DGKB: variants seen among roughly 807,000 people sequenced by gnomAD.
DGKB encodes diacylglycerol kinase beta, also known as 90 kDa diacylglycerol kinase.
DGKB carries 67 observed loss-of-function variants against 114.3 expected under a neutral mutation model. The observed-to-expected ratio is 0.59, with a 90% CI of 0.48 to 0.72. The LOEUF (loss-of-function observed/expected upper bound fraction) is 0.72. DGKB is among the 30% of genes least tolerant of loss of function. The pLI is 0.00. For missense variants in DGKB, 907 were observed against 975.2 expected (o/e 0.93, Z 0.93); for synonymous variants, 398 against 323.1 (o/e 1.23, Z -2.49).
chr7:14,966,467 C>T (rs964068242), intron 1 of DGKB, among the ~76,000 whole-genome samples: 3 of 149,346 alleles, frequency 2.0e-5, no homozygotes, highest in Non-Finnish European at 4.4e-5. Context: ...TATATATGTA[C>T]ATTATTATTT....
chr7:14,901,140 G>T (rs1464176062), intron 1 of DGKB, among the ~76,000 whole-genome samples: 1 of 152,068 alleles, frequency 6.6e-6, no homozygotes, highest in Non-Finnish European at 1.5e-5. Context: ...TAACAAATTG[G>T]GCACTCCAAC....
intron 17 of DGKB, among the ~76,000 whole-genome samples, chr7:14,597,488 T>C (rs1049921753): frequency 2.0e-5 from 3 of 152,196 alleles, no homozygotes; most frequent in African/African-American, 7.2e-5. Flanking sequence ...AATCCAATTA[T>C]CTGCTTTTCG....
intron 20 of DGKB, among the ~76,000 whole-genome samples, chr7:14,555,948 G>C (rs1302829215): frequency 6.6e-6 from 1 of 152,216 alleles, no homozygotes; most frequent in African/African-American, 2.4e-5. Flanking sequence ...GCAACCAGCA[G>C]CCCTTGGGGC....
chr7:14,552,181 T>C (rs1795196980), intron 20 of DGKB, among the ~76,000 whole-genome samples: 1 of 152,198 alleles, frequency 6.6e-6, no homozygotes, highest in African/African-American at 2.4e-5. Flanking sequence ...TGCTTGTGTG[T>C]AATGTTTTAC....
chr7:14,946,988 A>G (rs374817136), intron 1 of DGKB, among the ~76,000 whole-genome samples: 4 of 151,776 alleles, frequency 2.6e-5, no homozygotes, highest in South Asian at 4.1e-4. Flanking sequence ...CTCTAAGAAC[A>G]TATTTTAAGA....
Position 14,847,134 on chromosome 7 carries a change from CA to C in DGKB, c.-187-5685del, listed in dbSNP as rs1164672694. Among the ~76,000 whole-genome samples, 15 of 151,878 alleles carry C rather than the reference CA, an allele frequency of 9.9e-5. No individual in the cohort carries two copies. In the South Asian group the frequency reaches 3.1e-3, roughly 32 times the overall value. On this transcript the variant is annotated intron_variant, in intron 1 of 25. Coordinates refer to ENST00000402815, the MANE Select transcript of DGKB (RefSeq NM_001350709.2). Reference sequence around the variant, plus strand: ...TGAAACCCCGTCTCTACTAAAAATACAAAAAAATTAACAGAGCGTGGTGGTG... The same window carrying C: ...TGAAACCCCGTCTCTACTAAAAATACAAAAAATTAACAGAGCGTGGTGGTG...
chr7:14,167,606 C>G (rs991601552), intron 25 of DGKB, among the ~76,000 whole-genome samples: 1 of 152,148 alleles, frequency 6.6e-6, no homozygotes, highest in African/African-American at 2.4e-5. Flanking sequence ...ATAGATTTGA[C>G]CTTAACAAAC....
At chr7:14,653,190 A>G (rs1316187492) in intron 13 of DGKB, among the ~76,000 whole-genome samples, 1 of 149,312 alleles carries the variant, frequency 6.7e-6, no homozygotes, top group Non-Finnish European at 1.5e-5. Flanking sequence ...ATGCTGCTAT[A>G]AAGACACATG....
intron 17 of DGKB, among the ~76,000 whole-genome samples, chr7:14,586,855 C>A (rs1403348612): frequency 2.0e-4 from 29 of 144,604 alleles, no homozygotes; most frequent in South Asian, 2.2e-4. Flanking sequence ...ACATATTTCT[C>A]AAAAAAAAAA....
intron 20 of DGKB, among the ~76,000 whole-genome samples, chr7:14,505,914 A>C (rs1030035380): frequency 1.7e-4 from 26 of 152,132 alleles, no homozygotes; most frequent in Non-Finnish European, 3.2e-4. Flanking sequence ...CATTGTCAGT[A>C]GTGTAATAAA....
At chr7:14,563,713 T>G (rs1335583009) in intron 20 of DGKB, among the ~76,000 whole-genome samples, 2 of 152,062 alleles carry the variant, frequency 1.3e-5, no homozygotes, top group East Asian at 1.9e-4. Flanking sequence ...CCTTGTCTAC[T>G]TTTTCATTTT....
intron 6 of DGKB, among the ~76,000 whole-genome samples, chr7:14,712,222 T>C (rs963697776): frequency 6.6e-6 from 1 of 151,700 alleles, no homozygotes; most frequent in Non-Finnish European, 1.5e-5. Flanking sequence ...GAAAAGAAGA[T>C]GGAAAATAGA....
intron 21 of DGKB, among the ~76,000 whole-genome samples, chr7:14,383,689 T>C (rs1398047238): frequency 6.6e-6 from 1 of 152,218 alleles, no homozygotes; most frequent in Non-Finnish European, 1.5e-5. Context: ...CTGAGTCAAC[T>C]TTCTTTAAGC....
chr7:14,836,899 T>C (rs1352772823), intron 2 of DGKB, among the ~76,000 whole-genome samples: 8 of 152,352 alleles, frequency 5.3e-5, no homozygotes, highest in Admixed American at 5.2e-4. Context: ...AGACACTGAC[T>C]CTTCATGCTC....
At chr7:14,481,228 T>A (rs986663137) in intron 20 of DGKB, among the ~76,000 whole-genome samples, 3 of 151,952 alleles carry the variant, frequency 2.0e-5, no homozygotes, top group Non-Finnish European at 2.9e-5. Context: ...TTTTCTGAAA[T>A]GTATTTTTCC....
At chr7:14,602,569 C>G (rs892777120) in intron 17 of DGKB, among the ~76,000 whole-genome samples, 2 of 152,172 alleles carry the variant, frequency 1.3e-5, no homozygotes, top group African/African-American at 4.8e-5. Flanking sequence ...AACCAGCCAG[C>G]TGTTTTTCTG....
chr7:14,395,703 T>G (rs1185043919), intron 21 of DGKB, among the ~76,000 whole-genome samples: 1 of 151,872 alleles, frequency 6.6e-6, no homozygotes, highest in Non-Finnish European at 1.5e-5. Context: ...TTAAATCTGT[T>G]AAAGCCATTT....
intron 23 of DGKB, among the ~76,000 whole-genome samples, chr7:14,287,218 A>G (rs1801013472): frequency 6.6e-6 from 1 of 152,152 alleles, no homozygotes; most frequent in South Asian, 2.1e-4. Flanking sequence ...GGTTTTGAGC[A>G]TGTTGAATAT....
At chr7:14,493,727 T>C (rs1159197624) in intron 20 of DGKB, among the ~76,000 whole-genome samples, 1 of 152,014 alleles carries the variant, frequency 6.6e-6, no homozygotes, top group Non-Finnish European at 1.5e-5. Flanking sequence ...TTAAAACATA[T>C]AAATTGTTTA....
Sources: gnomAD v4.1 joint callset for allele counts (sites outside exome capture counted in the v4.1 genomes callset) on GRCh38, gnomAD v4.1.1 for gene constraint, MANE v1.5 for transcripts, NCBI Gene and HGNC (gene_info 2026-07-23, HGNC 2026-07-21) for gene names.